Variants in FMN1 observed in about 807,000 individuals in gnomAD.
The protein encoded by FMN1 is formin 1.
In FMN1, 110 loss-of-function variants were observed where a neutral mutation model predicts 132.4. The ratio of observed to expected loss-of-function variants is 0.83; its 90% CI spans 0.71 to 0.97. FMN1 has a LOEUF of 0.97. Ranked by LOEUF, FMN1 falls within the 50% of genes least tolerant of loss-of-function variation. The probability of loss-of-function intolerance (pLI) is 0.00; values close to 1 mark genes in which losing one functional copy is unlikely to be tolerated. For synonymous variants in FMN1, 722 were observed against 651.7 expected, an observed-to-expected ratio of 1.11 and a Z score of -1.64; for missense variants, 1,792 against 1,705.3, an observed-to-expected ratio of 1.05 and a Z score of -0.90.
intron 19 of FMN1, among the ~76,000 whole-genome samples, chr15:32,797,216 A>T: frequency 6.6e-6 from 1 of 152,262 alleles, no homozygotes. Context: ...GAAGATCATT[A>T]ACATATAAAG....
intron 19 of FMN1, among the ~76,000 whole-genome samples, chr15:32,795,379 C>T (rs1291128971): frequency 6.6e-6 from 1 of 152,084 alleles, no homozygotes; most frequent in African/African-American, 2.4e-5. Context: ...AGCTCAAGAG[C>T]AAAGGTGAGG....
chr15:32,950,052 CACAT>C (rs2061612200), intron 9 of FMN1, among the ~76,000 whole-genome samples: 2 of 2,972 alleles, frequency 6.7e-4, no homozygotes, highest in African/African-American at 1.6e-3. Flanking sequence ...TATATATATA[CACAT>C]ATATATATAT....
At chr15:33,149,511 G>T (rs911332462) in intron 4 of FMN1, among the ~76,000 whole-genome samples, 1 of 152,026 alleles carries the variant, frequency 6.6e-6, no homozygotes, top group African/African-American at 2.4e-5. Flanking sequence ...TTTCTTATTG[G>T]TACATATATT....
At position 32,926,269 on chromosome 15, in the gene FMN1, T is replaced by TATA; in HGVS notation, c.3139-9_3139-8insTAT. On this transcript the variant is annotated splice_polypyrimidine_tract_variant and intron_variant, in intron 9 of 20. Coordinates refer to ENST00000616417, the MANE Select transcript of FMN1 (RefSeq NM_001277313.2). The stretch of plus-strand genomic sequence containing the variant: ...ATCCAACAATTTGATGATCTAAAAT[T>TATA]AGAAAAAAAAAAAAAAGAATACAAG... The TATA allele has an allele frequency of 7.3e-7, 1 of 1,363,124 alleles. No homozygotes were observed. Among genetic ancestry groups the TATA allele is most frequent in the African/African-American group, 1.7e-5 (1 of 59,726 alleles). 84.4% of individuals were successfully genotyped at this position (1,363,124 alleles called of 1,614,324 possible).
intron 3 of FMN1, among the ~76,000 whole-genome samples, chr15:33,171,244 G>A (rs1965310969): frequency 6.6e-6 from 1 of 152,138 alleles, no homozygotes; most frequent in African/African-American, 2.4e-5. Flanking sequence ...AATGAAAAGG[G>A]GTAGGTTAAT....
intron 10 of FMN1, among the ~76,000 whole-genome samples, chr15:32,916,810 T>G (rs776300532): frequency 3.3e-5 from 5 of 152,102 alleles, no homozygotes; most frequent in Non-Finnish European, 7.4e-5. Flanking sequence ...ACAGCCAAAA[T>G]AAAACTTAGC....
At chr15:33,134,097 C>G (rs1963660723) in intron 4 of FMN1, among the ~76,000 whole-genome samples, 1 of 152,076 alleles carries the variant, frequency 6.6e-6, no homozygotes, top group Non-Finnish European at 1.5e-5. Flanking sequence ...TACAGGCACA[C>G]AACACATGCC....
At chr15:32,996,544 G>C (rs1392979126) in intron 7 of FMN1, among the ~76,000 whole-genome samples, 1 of 152,298 alleles carries the variant, frequency 6.6e-6, no homozygotes, top group South Asian at 2.1e-4. Flanking sequence ...AGGCAGTTCA[G>C]TGTACAGGGT....
chr15:32,889,416 A>G (rs1364496619), intron 15 of FMN1, among the ~76,000 whole-genome samples: 2 of 151,938 alleles, frequency 1.3e-5, no homozygotes, highest in Admixed American at 6.6e-5. Flanking sequence ...TTCACATTCC[A>G]TCTTCCCTAC....
chr15:32,961,332 C>A (rs191597029), intron 9 of FMN1, among the ~76,000 whole-genome samples: 13 of 151,870 alleles, frequency 8.6e-5, no homozygotes, highest in African/African-American at 3.1e-4. Context: ...CGGGGTTTCC[C>A]GAAATTGGCC....
At chr15:32,801,659 G>A (rs2057485865) in intron 18 of FMN1, among the ~76,000 whole-genome samples, 1 of 152,180 alleles carries the variant, frequency 6.6e-6, no homozygotes, top group Non-Finnish European at 1.5e-5. Context: ...TTCAGGCGTG[G>A]TGGTAGGCAC....
intron 4 of FMN1, among the ~76,000 whole-genome samples, chr15:33,124,149 G>C (rs1423403059): frequency 6.6e-6 from 1 of 152,160 alleles, no homozygotes; most frequent in African/African-American, 2.4e-5. Context: ...AGATCCAATA[G>C]ATCAGCTTCA....
chr15:32,793,097 A>C (rs924326533), intron 19 of FMN1, among the ~76,000 whole-genome samples: 1 of 152,178 alleles, frequency 6.6e-6, no homozygotes, highest in African/African-American at 2.4e-5. Context: ...AAGGAGACGG[A>C]ATGATGCTTT....
At chr15:32,952,829 C>T (rs1396066411) in intron 9 of FMN1, among the ~76,000 whole-genome samples, 2 of 152,168 alleles carry the variant, frequency 1.3e-5, no homozygotes, top group African/African-American at 4.8e-5. Context: ...TAATAAGGGC[C>T]TGGAGCCAGA....
intron 17 of FMN1, among the ~76,000 whole-genome samples, chr15:32,855,906 C>G (rs2059120279): frequency 6.6e-6 from 1 of 152,042 alleles, no homozygotes; most frequent in South Asian, 2.1e-4. Context: ...GTATTGGTAT[C>G]TTTGCTCTCA....
At position 32,840,059 on chromosome 15, in the gene FMN1, G is replaced by A. The variant is rs57903806; in HGVS notation, c.3928+16956C>T. ...ACCTAAGAAGTGATGAATCCTCCCC[G>A]GGAGGAGAGCTGCAGCCCTGAAATC... On this transcript the variant is annotated intron_variant, in intron 17 of 20. Transcript: ENST00000616417. Among the ~76,000 whole-genome samples the A allele has an allele frequency of 9.9e-3, 1,513 of 152,268 alleles. 23 individuals are homozygous for A. The highest frequency in any genetic ancestry group is 0.033 in the African/African-American group (1,377 of 41,548).
intron 4 of FMN1, among the ~76,000 whole-genome samples, chr15:33,120,894 T>C (rs902352207): frequency 6.6e-6 from 1 of 152,240 alleles, no homozygotes; most frequent in Non-Finnish European, 1.5e-5. Context: ...TCTGAAAATA[T>C]ACCTGTTGCA....
intron 9 of FMN1, among the ~76,000 whole-genome samples, chr15:32,962,696 A>G (rs2030716551): frequency 6.7e-6 from 1 of 148,670 alleles, no homozygotes; most frequent in South Asian, 2.1e-4. Flanking sequence ...ATGAACAGAC[A>G]CTTCTCAAAA....
chr15:32,847,811 C>T (rs938459737), intron 17 of FMN1, among the ~76,000 whole-genome samples: 6 of 152,032 alleles, frequency 3.9e-5, no homozygotes, highest in Admixed American at 6.5e-5. Context: ...GCTGAGATCG[C>T]GCCACTGCAC....
Sources: gnomAD v4.1 joint callset for allele counts (sites outside exome capture counted in the v4.1 genomes callset) on GRCh38, gnomAD v4.1.1 for gene constraint, MANE v1.5 for transcripts, NCBI Gene and HGNC (gene_info 2026-07-23, HGNC 2026-07-21) for gene names.